The following SLC44A5 variants were observed in gnomAD, a reference collection of about 807,000 sequenced individuals.
The protein encoded by SLC44A5 is choline transporter-like protein 5.
In SLC44A5, 57 loss-of-function variants were observed where a neutral mutation model predicts 101.8. The ratio of observed to expected loss-of-function variants is 0.56; its 90% CI spans 0.45 to 0.70. The LOEUF (loss-of-function observed/expected upper bound fraction) is 0.70. SLC44A5 is among the 30% of genes least tolerant of loss of function. The pLI is 0.00. For missense variants in SLC44A5, 737 were observed against 853.1 expected (o/e 0.86, Z 1.70); for synonymous variants, 281 against 290.9 (o/e 0.97, Z 0.35).
chr1:75,209,398 G>A (rs1020914615), intron 23 of SLC44A5, among the ~76,000 whole-genome samples: 1 of 152,196 alleles, frequency 6.6e-6, no homozygotes. Context: ...GATGAGAGGA[G>A]AGATCTTTGA....
At chr1:75,622,906 T>C in the SLC44A5 span, among the ~76,000 whole-genome samples, 1 of 152,124 alleles carries the variant, frequency 6.6e-6, no homozygotes, top group East Asian at 1.9e-4. Flanking sequence ...TATGAGTGAA[T>C]CATTTGCATA....
intron 3 of SLC44A5, among the ~76,000 whole-genome samples, chr1:75,354,390 T>G (rs778288068): frequency 1.8e-4 from 27 of 152,210 alleles, no homozygotes; most frequent in Non-Finnish European, 3.5e-4. Context: ...AGGCAGGGCT[T>G]ACATATCCCA....
chr1:75,211,576 C>G, intron 22 of SLC44A5, 24 bp from the exon 23 acceptor site: 1 of 1,508,530 alleles, frequency 6.6e-7, no homozygotes, highest in Non-Finnish European at 9.2e-7. Flanking sequence ...AAGAAGAGAA[C>G]CAACATGTCA....
At chr1:75,212,023 G>C (rs1056698429) in intron 22 of SLC44A5, among the ~76,000 whole-genome samples, 1 of 151,948 alleles carries the variant, frequency 6.6e-6, no homozygotes, top group Non-Finnish European at 1.5e-5. Flanking sequence ...TCTCAACACA[G>C]TGATCCAGGG....
chr1:75,386,887 A>G (rs1391261506), intron 3 of SLC44A5, among the ~76,000 whole-genome samples: 6 of 151,982 alleles, frequency 3.9e-5, no homozygotes, highest in Non-Finnish European at 7.4e-5. Flanking sequence ...ACAGAACAGA[A>G]CCCTCAGAAA....
At chr1:75,624,018 C>T in the SLC44A5 span, among the ~76,000 whole-genome samples, 3 of 152,094 alleles carry the variant, frequency 2.0e-5, no homozygotes, top group African/African-American at 7.2e-5. Context: ...TCCAGGTCTG[C>T]AGCAGGGAAA....
At chr1:75,251,442 C>T (rs1649566196) in intron 6 of SLC44A5, 148 bp from the exon 7 acceptor site, 1 of 600,460 alleles carries the variant, frequency 1.7e-6, no homozygotes, top group Non-Finnish European at 2.9e-6. Context: ...CCTTAGGTAC[C>T]TAACCTTTAA....
At chr1:75,265,254 G>A (rs1650890859) in intron 6 of SLC44A5, among the ~76,000 whole-genome samples, 1 of 152,066 alleles carries the variant, frequency 6.6e-6, no homozygotes, top group African/African-American at 2.4e-5. Context: ...AAGTCATTCT[G>A]TGAGGCCAGC....
In SLC44A5 at chr1:75,491,731, GCACACA is replaced by G. The variant is rs35416517; in HGVS notation, c.13+49698_13+49703del. Among the ~76,000 whole-genome samples, 889 of 148,024 alleles carry G rather than the reference GCACACA, an allele frequency of 6.0e-3. 4 individuals are homozygous for G. The highest frequency in any genetic ancestry group is 0.021 in the African/African-American group (851 of 40,578). ...CATACACACACAAGCACGCACGCACGCACACACACACACACACACAGTATTATGCAG... is the reference window on the plus strand; with the variant it reads ...CATACACACACAAGCACGCACGCACGCACACACACACACAGTATTATGCAG... On this transcript the variant is annotated intron_variant, in intron 2 of 23. Coordinates refer to ENST00000370859, the MANE Select transcript of SLC44A5 (RefSeq NM_001130058.2).
At chr1:75,601,219 T>C (rs929115430) in intron 1 of SLC44A5, among the ~76,000 whole-genome samples, 1 of 152,090 alleles carries the variant, frequency 6.6e-6, no homozygotes. Context: ...GTTCATGTCA[T>C]TTGCAGGGAC....
chr1:75,340,388 T>C (rs2101033775), intron 3 of SLC44A5, among the ~76,000 whole-genome samples: 1 of 152,294 alleles, frequency 6.6e-6, no homozygotes, highest in East Asian at 1.9e-4. Flanking sequence ...TTCTTGACTC[T>C]TCCCCTACAA....
chr1:75,246,022 G>A (rs1425234852), intron 7 of SLC44A5, among the ~76,000 whole-genome samples: 1 of 152,090 alleles, frequency 6.6e-6, no homozygotes, highest in Non-Finnish European at 1.5e-5. Context: ...GCACCGTCTG[G>A]AAGACTAAAT....
chr1:75,407,257 T>A (rs1662938100), intron 2 of SLC44A5, among the ~76,000 whole-genome samples: 1 of 152,044 alleles, frequency 6.6e-6, no homozygotes, highest in Non-Finnish European at 1.5e-5. Context: ...ATAGGAAGAA[T>A]CAATATCATG....
chr1:75,223,038 T>G (rs777792272), intron 13 of SLC44A5, among the ~76,000 whole-genome samples: 14 of 152,238 alleles, frequency 9.2e-5, no homozygotes, highest in Non-Finnish European at 1.5e-4. Context: ...CAACTTGATT[T>G]ATTTAGTCTT....
At chr1:75,522,341 A>C (rs1021140550) in intron 2 of SLC44A5, 4 of 107,684 alleles carry the variant, frequency 3.7e-5, no homozygotes, top group Non-Finnish European at 5.6e-5. Flanking sequence ...TCATGAAAAC[A>C]ATCAGGACTT....
At chr1:75,214,464 G>C in intron 20 of SLC44A5, 141 bp downstream of exon 20, 2 of 616,092 alleles carry the variant, frequency 3.2e-6, no homozygotes. Flanking sequence ...TGGTATGAGA[G>C]AGAATATTTA....
intron 2 of SLC44A5, among the ~76,000 whole-genome samples, chr1:75,477,193 C>A (rs1159019592): frequency 1.3e-5 from 2 of 152,222 alleles, no homozygotes; most frequent in Non-Finnish European, 2.9e-5. Context: ...AGCTGAGGGT[C>A]CTGTCTGTTA....
At chr1:75,311,586 A>G in intron 4 of SLC44A5, 1 of 984,720 alleles carries the variant, frequency 1.0e-6, no homozygotes, top group East Asian at 1.1e-4. Flanking sequence ...TGGCCTTCAA[A>G]GACTCTAATT....
At chr1:75,292,334 T>C (rs1320171670) in intron 5 of SLC44A5, among the ~76,000 whole-genome samples, 6 of 152,188 alleles carry the variant, frequency 3.9e-5, no homozygotes, top group Admixed American at 6.5e-5. Flanking sequence ...CGATACAATG[T>C]ATTGTATCTG....
Sources: gnomAD v4.1 joint callset for allele counts (sites outside exome capture counted in the v4.1 genomes callset) on GRCh38, gnomAD v4.1.1 for gene constraint, MANE v1.5 for transcripts, NCBI Gene and HGNC (gene_info 2026-07-23, HGNC 2026-07-21) for gene names.